Variants in RORA observed in about 807,000 individuals in gnomAD.
The protein encoded by RORA is RAR related orphan receptor A.
RORA carries 7 observed loss-of-function variants against 69.5 expected under a neutral mutation model. The ratio of observed to expected loss-of-function variants is 0.10; its 90% confidence interval spans 0.06 to 0.19. The LOEUF (loss-of-function observed/expected upper bound fraction) is 0.19, where lower values mean the gene tolerates loss of function less well. RORA is among the 10% of genes least tolerant of loss of function. The probability of loss-of-function intolerance (pLI) is 1.00; values close to 1 mark genes in which losing one functional copy is unlikely to be tolerated. For synonymous variants in RORA, 261 were observed against 240.8 expected (o/e 1.08, Z -0.78); for missense variants, 457 against 663.0 (o/e 0.69, Z 3.41).
Position 61,003,172 on chromosome 15 carries a change from A to G in RORA, c.166+225881T>C, listed in dbSNP as rs555003794. Among the ~76,000 whole-genome samples, 4 of 152,092 alleles carry G rather than the reference A, an allele frequency of 2.6e-5. No homozygotes were observed. In the South Asian group the frequency reaches 8.3e-4, roughly 32 times the overall value. On this transcript the variant is annotated intron_variant, in intron 1 of 10. Coordinates refer to ENST00000335670, the MANE Select transcript of RORA (RefSeq NM_134261.3). Reference sequence around the variant, plus strand: ...AAGGAAAAAAAAGAAAAGAAAATACAAAGACATAACCAACATTCTGTATCA... The same window carrying G: ...AAGGAAAAAAAAGAAAAGAAAATACGAAGACATAACCAACATTCTGTATCA...
intron 1 of RORA, among the ~76,000 whole-genome samples, chr15:60,742,188 A>C (rs1251776596): frequency 6.6e-6 from 1 of 152,136 alleles, no homozygotes; most frequent in Non-Finnish European, 1.5e-5. Flanking sequence ...GTGTCTCCTC[A>C]CTGTCATCCA....
At chr15:60,737,866 G>C (rs181868074) in intron 1 of RORA, among the ~76,000 whole-genome samples, 1 of 152,342 alleles carries the variant, frequency 6.6e-6, no homozygotes, top group African/African-American at 2.4e-5. Flanking sequence ...GTCAAGAGCT[G>C]CTCCTTTTTG....
At chr15:60,916,052 T>C (rs1253275851) in intron 1 of RORA, among the ~76,000 whole-genome samples, 3 of 152,110 alleles carry the variant, frequency 2.0e-5, no homozygotes, top group South Asian at 2.1e-4. Flanking sequence ...ACATCTCAAA[T>C]TGACTGGAAG....
chr15:61,210,306 G>A (rs192748144), intron 1 of RORA, among the ~76,000 whole-genome samples: 128 of 152,222 alleles, frequency 8.4e-4, no homozygotes, highest in African/African-American at 3.1e-3. Flanking sequence ...GCCCAGTACT[G>A]TTTCCTATTC....
intron 1 of RORA, among the ~76,000 whole-genome samples, chr15:61,211,328 C>T (rs2079990219): frequency 6.7e-6 from 1 of 150,036 alleles, no homozygotes; most frequent in African/African-American, 2.4e-5. Context: ...TCTCCCATTC[C>T]AAACCTTCCT....
intron 5 of RORA, among the ~76,000 whole-genome samples, chr15:60,506,075 C>G (rs1001693499): frequency 1.3e-5 from 2 of 152,160 alleles, no homozygotes; most frequent in Admixed American, 1.3e-4. Flanking sequence ...CTAGGTATTT[C>G]TTTTGTTTTT....
intron 1 of RORA, among the ~76,000 whole-genome samples, chr15:60,967,492 T>C (rs1420940469): frequency 1.3e-5 from 2 of 152,216 alleles, no homozygotes; most frequent in Admixed American, 6.5e-5. Flanking sequence ...CGTGCTCCTC[T>C]CCATCCAAAA....
chr15:61,118,315 T>C (rs1428152642), intron 1 of RORA, among the ~76,000 whole-genome samples: 1 of 152,126 alleles, frequency 6.6e-6, no homozygotes, highest in Non-Finnish European at 1.5e-5. Context: ...TCTCGTAAGA[T>C]AAAGCCCGGT....
At chr15:60,891,402 G>A (rs2073811557) in intron 1 of RORA, among the ~76,000 whole-genome samples, 1 of 152,212 alleles carries the variant, frequency 6.6e-6, no homozygotes, top group Non-Finnish European at 1.5e-5. Flanking sequence ...CAGCTGCTCT[G>A]AATATGCAGG....
At chr15:61,169,869 C>T (rs1294268844) in intron 1 of RORA, among the ~76,000 whole-genome samples, 1 of 152,112 alleles carries the variant, frequency 6.6e-6, no homozygotes, top group Admixed American at 6.5e-5. Context: ...CCTTGGGCAG[C>T]ATCCCAGGGT....
chr15:60,819,767 A>ACACACACACACACACACGCG (rs1555455767), intron 1 of RORA, among the ~76,000 whole-genome samples: 56 of 147,634 alleles, frequency 3.8e-4, no homozygotes, highest in Admixed American at 3.3e-3. Context: ...ACACACACAC[A>ACACACACACACACACACGCG]CACACACACA....
intron 1 of RORA, among the ~76,000 whole-genome samples, chr15:61,023,982 G>A (rs2140422531): frequency 6.6e-6 from 1 of 151,950 alleles, no homozygotes; most frequent in South Asian, 2.1e-4. Context: ...TTACTGCCCT[G>A]GGGACCCATT....
At chr15:60,944,616 T>C (rs1194612881) in intron 1 of RORA, among the ~76,000 whole-genome samples, 3 of 150,764 alleles carry the variant, frequency 2.0e-5, no homozygotes, top group Non-Finnish European at 4.4e-5. Context: ...TCTCAGCTAC[T>C]TAGGAGGCTG....
In RORA at chr15:60,511,813, A is replaced by G. The variant is rs768048864; in HGVS notation, c.425-192T>C. On this transcript the variant is annotated intron_variant, in intron 4 of 10. Coordinates refer to ENST00000335670, the MANE Select transcript of RORA (RefSeq NM_134261.3). This position sits in a 1 kb window ranked among gnomAD's most constrained non-coding sequence, Gnocchi z 6.4. ...ACTCGCTCCAGCTCCCCAACAGCAA[A>G]CACACATCCCAGAGAAACTCATGTT... 3.9e-5 allele frequency among the ~76,000 whole-genome samples: 6 copies of G among 152,168 alleles called. No individual in the cohort carries two copies. In the East Asian group the frequency reaches 7.7e-4, roughly 20 times the overall value.
chr15:60,514,281 C>G (rs1431960684), intron 4 of RORA, among the ~76,000 whole-genome samples: 2 of 152,164 alleles, frequency 1.3e-5, no homozygotes, highest in African/African-American at 4.8e-5. Context: ...GAGGAGACAT[C>G]TTTATTAAGG....
At chr15:60,986,865 G>C (rs1044365689) in intron 1 of RORA, among the ~76,000 whole-genome samples, 20 of 152,096 alleles carry the variant, frequency 1.3e-4, no homozygotes, top group African/African-American at 4.8e-4. Flanking sequence ...TCAGTTTAGG[G>C]GGAGACAGAA....
chr15:60,821,166 CA>C (rs2072888441), intron 1 of RORA, among the ~76,000 whole-genome samples: 1 of 152,156 alleles, frequency 6.6e-6, no homozygotes, highest in Non-Finnish European at 1.5e-5. Flanking sequence ...ACAAGGGATC[CA>C]TCTTCCACTG....
chr15:60,878,558 C>T (rs1426894678), intron 1 of RORA, among the ~76,000 whole-genome samples: 3 of 152,156 alleles, frequency 2.0e-5, no homozygotes, highest in East Asian at 1.9e-4. Context: ...TCCGCCTGCT[C>T]GCCCTGCAGT....
Position 60,699,721 on chromosome 15 carries a change from CAG to C in RORA, c.167-21037_167-21036del, listed in dbSNP as rs139926660. 6.8e-3 allele frequency among the ~76,000 whole-genome samples: 1,040 copies of C among 152,208 alleles called. 14 individuals are homozygous for C. Among genetic ancestry groups the C allele is most frequent in the African/African-American group, 0.024 (1,004 of 41,500 alleles). On this transcript the variant is annotated intron_variant, in intron 1 of 10. Coordinates refer to ENST00000335670, the MANE Select transcript of RORA (RefSeq NM_134261.3). Reference sequence around the variant, plus strand: ...CATCTATATTTAACACTTTCTGTAACAGATTACTGGTATAACAGGAAGTTTCA... The same window carrying C: ...CATCTATATTTAACACTTTCTGTAACATTACTGGTATAACAGGAAGTTTCA...
Sources: gnomAD v4.1 joint callset for allele counts (sites outside exome capture counted in the v4.1 genomes callset) on GRCh38, gnomAD v4.1.1 for gene constraint, Gnocchi (gnomAD v3.1) non-coding constraint, MANE v1.5 for transcripts, NCBI Gene and HGNC (gene_info 2026-07-23, HGNC 2026-07-21) for gene names.